Variants in ABCA9 observed in about 807,000 individuals in gnomAD.
ABCA9 encodes the protein ATP binding cassette subfamily A member 9, also known as ATP-binding cassette sub-family A member 9.
In ABCA9, 183 loss-of-function variants were observed where a neutral mutation model predicts 205.3. That is an observed-to-expected ratio of 0.89 (90% CI 0.79 to 1.01). The LOEUF is 1.01. Among genes scored for constraint, ABCA9 ranks in the 50% least tolerant of loss-of-function variants. The pLI is 0.00. For missense variants in ABCA9, 1,805 were observed against 1,912.4 expected, an observed-to-expected ratio of 0.94 and a Z score of 1.05; for synonymous variants, 651 against 683.3, an observed-to-expected ratio of 0.95 and a Z score of 0.74.
chr17:69,035,374 C>G lies in ABCA9; in HGVS notation c.1000G>C (p.Val334Leu), dbSNP rs201472998. Residue 334 changes from valine (V) to leucine (L), a missense_variant, in exon 8 of 39, where the codon GTT (valine) becomes CTT (leucine). By Grantham distance (32) the Val-to-Leu change is conservative. Coordinates refer to ENST00000340001, the MANE Select transcript of ABCA9 (RefSeq NM_080283.4). The stretch of plus-strand genomic sequence containing the variant: ...CAAAAGACAATAAGGAGAAACACAA[C>G]CAAGCCCGTAAGGAAAGGTTTCTTT... ...LIKKPFLTGL[V>L]VFLLIVFWGI... 1 of 1,607,136 alleles carries G rather than the reference C, an allele frequency of 6.2e-7. No individual in the cohort carries two copies. The highest frequency in any genetic ancestry group is 1.1e-5 in the South Asian group (1 of 89,920).
At chr17:69,055,196 A>T (rs11659114) in intron 1 of ABCA9, among the ~76,000 whole-genome samples, 71,890 of 152,004 alleles carry the variant, frequency 0.47, 20,170 homozygotes, top group Non-Finnish European at 0.63. Context: ...GCACCAATTA[A>T]AAGACAGAGA....
chr17:69,020,442 A>G lies in ABCA9; in HGVS notation c.2546T>C (p.Ile849Thr), dbSNP rs1217991900. The change falls in exon 19 of 39, where the codon ATA becomes ACA. Residue 849 changes from isoleucine (I) to threonine (T), a missense_variant. Coordinates refer to ENST00000340001, the MANE Select transcript of ABCA9 (RefSeq NM_080283.4). ...VALWRQQVCA[I>T]AKVRFLKLKK... ...TAACTTTAGGAAGCGAACTTTTGCT[A>G]TTGCACAGACCTGCTGCCTCCAGAG... The G allele has an allele frequency of 8.1e-6, 13 of 1,613,966 alleles. No homozygotes were observed. The highest frequency in any genetic ancestry group is 1.1e-5 in the South Asian group (1 of 91,074).
intron 1 of ABCA9, among the ~76,000 whole-genome samples, chr17:69,052,436 G>A (rs1778219110): frequency 1.3e-5 from 2 of 151,996 alleles, no homozygotes; most frequent in South Asian, 2.1e-4. Context: ...ACAGTATAAG[G>A]AGAGAAAGTA....
chr17:69,014,212 T>TTGAG (rs2070492211), intron 22 of ABCA9, among the ~76,000 whole-genome samples: 1 of 152,160 alleles, frequency 6.6e-6, no homozygotes, highest in Admixed American at 6.6e-5. Flanking sequence ...TCAAAACTCT[T>TTGAG]TGAGTGCCAA....
Position 69,051,203 on chromosome 17 carries a change from T to C in ABCA9, c.-13-64A>G, listed in dbSNP as rs565577632. On this transcript the variant is annotated intron_variant, in intron 1 of 38. Transcript: ENST00000340001. ...GTCTAAAGTAGAAAACATTGTGCAATCAAACATAAAAGAAACATTGTAACA... is the reference window on the plus strand; with the variant it reads ...GTCTAAAGTAGAAAACATTGTGCAACCAAACATAAAAGAAACATTGTAACA... 5 of 1,444,704 alleles carry C rather than the reference T, an allele frequency of 3.5e-6. No homozygotes were observed. In the African/African-American group the frequency reaches 4.2e-5, roughly 12 times the overall value. 89.5% of individuals were successfully genotyped at this position (1,444,704 alleles called of 1,614,324 possible). A position where few individuals can be genotyped will look rare whatever the true frequency, so the allele number is the denominator to read the frequency against.
chr17:68,983,959 T>C, intron 35 of ABCA9, 97 bp downstream of exon 35: 1 of 1,601,356 alleles, frequency 6.2e-7, no homozygotes, highest in Non-Finnish European at 8.5e-7. Context: ...GAAGCAACCA[T>C]GCTAGCTCCT....
At chr17:69,015,978 TGTG>T (rs1350308843) in intron 22 of ABCA9, among the ~76,000 whole-genome samples, 3 of 151,386 alleles carry the variant, frequency 2.0e-5, no homozygotes, top group African/African-American at 7.3e-5. Flanking sequence ...ATTGTGTGTG[TGTG>T]TGTGTGTGTG....
chr17:69,018,590 G>A lies in ABCA9; in HGVS notation c.2601-11C>T. Reference sequence around the variant, plus strand: ...CCAAAAAGCAATAATCTATGCAGAGGAAAATGTAAAAGAAAAAAATAATTT... The same window carrying A: ...CCAAAAAGCAATAATCTATGCAGAGAAAAATGTAAAAGAAAAAAATAATTT... On this transcript the variant is annotated splice_polypyrimidine_tract_variant and intron_variant, in intron 19 of 38. Coordinates refer to ENST00000340001, the MANE Select transcript of ABCA9 (RefSeq NM_080283.4). 6.5e-7 allele frequency: 1 copy of A among 1,542,102 alleles called. No individual in the cohort carries two copies. Among genetic ancestry groups the A allele is most frequent in the Non-Finnish European group, 8.7e-7 (1 of 1,153,492 alleles).
chr17:69,058,965 G>A (rs918745760), intron 1 of ABCA9, among the ~76,000 whole-genome samples: 8 of 152,244 alleles, frequency 5.3e-5, no homozygotes, highest in South Asian at 2.1e-4. Flanking sequence ...GCAAAGTCAC[G>A]TCTTATATGG....
In ABCA9 at chr17:69,053,353, A is replaced by G. The variant is rs1319588441; in HGVS notation, c.-13-2214T>C. On this transcript the variant is annotated intron_variant, in intron 1 of 38. Coordinates refer to ENST00000340001, the MANE Select transcript of ABCA9 (RefSeq NM_080283.4). The stretch of plus-strand genomic sequence containing the variant: ...GTGTCAGGAACAGGGACCAAATATT[A>G]TAACTAACGCTATTCCCATCACCCC... 2.6e-5 allele frequency among the ~76,000 whole-genome samples: 4 copies of G among 152,166 alleles called. No homozygotes were observed. In the East Asian group the frequency reaches 5.8e-4, roughly 22 times the overall value.
At chr17:69,050,894 A>C in intron 2 of ABCA9, 137 bp downstream of exon 2, 1 of 673,486 alleles carries the variant, frequency 1.5e-6, no homozygotes, top group Non-Finnish European at 2.1e-6. Flanking sequence ...AAAGCCCAGA[A>C]TTTGAAAAAA....
chr17:69,046,875 C>CTATATATATATATATA (rs71144650), intron 3 of ABCA9, among the ~76,000 whole-genome samples: 3 of 127,764 alleles, frequency 2.3e-5, no homozygotes, highest in African/African-American at 9.0e-5. Context: ...CGATTTTATA[C>CTATATATATATATATA]TATATATATA....
intron 31 of ABCA9, among the ~76,000 whole-genome samples, chr17:68,987,762 G>GTTTT (rs1156483091): frequency 2.6e-5 from 1 of 38,264 alleles, no homozygotes; most frequent in African/African-American, 4.6e-5. Context: ...TTGTTTGTTT[G>GTTTT]TTTGTTTTTT....
At position 69,027,070 on chromosome 17, in the gene ABCA9, T is replaced by G. The variant is rs2144335456; in HGVS notation, c.1956A>C (p.Ser652=). The change falls in exon 15 of 39, where the codon TCA becomes TCC. Residue 652 remains serine (S), a synonymous_variant. Transcript: ENST00000340001. Reference sequence around the variant, plus strand: ...TCAGGAGATTCCATATTCGGTGCCTTGAAAGAGGATCCAATCCAGCAGTCG... The same window carrying G: ...TCAGGAGATTCCATATTCGGTGCCTGGAAAGAGGATCCAATCCAGCAGTCG... The part of the protein sequence containing the change: ...DEPTAGLDPL[S]RHRIWNLLKE... 1 of 1,614,022 alleles carries G rather than the reference T, an allele frequency of 6.2e-7. No individual in the cohort carries two copies. The highest frequency in any genetic ancestry group is 2.2e-5 in the East Asian group (1 of 44,896).
intron 3 of ABCA9, among the ~76,000 whole-genome samples, chr17:69,047,867 T>C (rs2071772254): frequency 6.6e-6 from 1 of 152,154 alleles, no homozygotes. Flanking sequence ...GCCCTGTCTT[T>C]GTTCGTGGCT....
the ABCA9 span, among the ~76,000 whole-genome samples, chr17:69,066,412 G>T: frequency 1.3e-5 from 2 of 151,952 alleles, no homozygotes; most frequent in Non-Finnish European, 2.9e-5. Context: ...AGTTATAAAA[G>T]AAAGGTTGTA....
intron 6 of ABCA9, among the ~76,000 whole-genome samples, chr17:69,040,988 A>C (rs1486248476): frequency 6.6e-6 from 1 of 152,212 alleles, no homozygotes; most frequent in Non-Finnish European, 1.5e-5. Context: ...GCTACATTGT[A>C]ACTATATAAT....
chr17:69,045,078 A>ATGTT, intron 4 of ABCA9, 94 bp downstream of exon 4: 1 of 966,480 alleles, frequency 1.0e-6, no homozygotes, highest in Non-Finnish European at 1.5e-6. Context: ...GTGGTTGTAT[A>ATGTT]TGTTTGTGTA....
At chr17:69,060,983 A>G (rs1598424792), upstream of ABCA9, 3 of 985,428 alleles carry the variant, frequency 3.0e-6, no homozygotes, top group Non-Finnish European at 3.6e-6. Flanking sequence ...TTAATTTCAC[A>G]TTCATTGTGA....
Sources: allele counts gnomAD v4.1 joint callset (sites outside exome capture counted in the v4.1 genomes callset), GRCh38; gene constraint gnomAD v4.1.1; transcripts MANE v1.5; gene names NCBI Gene and HGNC (gene_info 2026-07-23, HGNC 2026-07-21).